Variants in TSHZ3 observed in about 807,000 individuals in gnomAD.
TSHZ3 encodes the protein teashirt homolog 3.
A neutral mutation model predicts 64.5 loss-of-function variants in TSHZ3; 10 were observed. The observed-to-expected ratio is 0.16, with a 90% CI of 0.10 to 0.26. The LOEUF is 0.26. Ranked by LOEUF, TSHZ3 falls within the 10% of genes least tolerant of loss-of-function variation. TSHZ3 has a pLI of 1.00. For synonymous variants in TSHZ3, 608 were observed against 593.1 expected, an observed-to-expected ratio of 1.03 and a Z score of -0.36; for missense variants, 1,242 against 1,421.7, an observed-to-expected ratio of 0.87 and a Z score of 2.03.
At chr19:31,327,780 GC>G (rs1405390470) in intron 1 of TSHZ3, among the ~76,000 whole-genome samples, 1 of 152,078 alleles carries the variant, frequency 6.6e-6, no homozygotes, top group African/African-American at 2.4e-5. Flanking sequence ...ACCCTGCACA[GC>G]CCCTAAACCT....
chr19:31,273,395 C>G (rs1172423964), downstream of TSHZ3, among the ~76,000 whole-genome samples: 3 of 152,146 alleles, frequency 2.0e-5, no homozygotes, highest in Non-Finnish European at 4.4e-5. Flanking sequence ...TCACACCAAC[C>G]CCCAAATTGG....
At chr19:31,191,809 T>C (rs1476177700) in intron 5 of TSHZ3, among the ~76,000 whole-genome samples, 2 of 152,108 alleles carry the variant, frequency 1.3e-5, no homozygotes, top group Non-Finnish European at 2.9e-5. Flanking sequence ...CTGTGAGCCA[T>C]GATCGCACCA....
chr19:31,269,342 C>T (rs1268582226), intron 1 of TSHZ3, among the ~76,000 whole-genome samples: 3 of 152,136 alleles, frequency 2.0e-5, no homozygotes, highest in South Asian at 4.1e-4. Context: ...CAGCTTTTGC[C>T]GACTCGGTTT....
At chr19:31,182,715 C>A (rs776165760) in intron 5 of TSHZ3, among the ~76,000 whole-genome samples, 2 of 152,126 alleles carry the variant, frequency 1.3e-5, no homozygotes, top group Admixed American at 6.5e-5. Flanking sequence ...ACCCATACAA[C>A]ACGTGTCCAA....
At position 31,276,671 on chromosome 19, in the gene TSHZ3, T is replaced by G. The variant is rs142718315; in HGVS notation, c.3122A>C (p.Tyr1041Ser). 21 of 1,613,718 alleles carry G rather than the reference T, an allele frequency of 1.3e-5. No individual in the cohort carries two copies. The highest frequency in any genetic ancestry group is 1.7e-5 in the Non-Finnish European group (20 of 1,179,734). Residue 1041 changes from tyrosine to serine, a missense_variant, in exon 2 of 2, where the codon TAT (tyrosine) becomes TCT (serine). Physicochemically the swap from Tyr to Ser is moderately radical, Grantham distance 144 (BLOSUM62 -2). Around this residue, in one of 4 missense-constraint regions of TSHZ3, gnomAD observed 126 missense variants for 140.6 expected, o/e 0.90. Coordinates refer to ENST00000240587, the MANE Select transcript of TSHZ3 (RefSeq NM_020856.4). ...SSPEEDLGTS[Y>S]QCKLCNRTFA... ...GGTCCGATTGCAAAGTTTGCACTGATAGGAAGTCCCCAGGTCTTCCTCGGG... is the reference window on the plus strand; with the variant it reads ...GGTCCGATTGCAAAGTTTGCACTGAGAGGAAGTCCCCAGGTCTTCCTCGGG...
chr19:31,224,351 G>A (rs1021170564), intron 4 of TSHZ3, among the ~76,000 whole-genome samples: 3 of 152,168 alleles, frequency 2.0e-5, no homozygotes, highest in Admixed American at 1.3e-4. Context: ...CAAACCATAT[G>A]TCTAGATGGT....
rs148027685 is a variant in TSHZ3 at position 31,215,420 on chromosome 19, T to G, written n.687-10342A>C. 7.1e-3 allele frequency among the ~76,000 whole-genome samples: 1,084 copies of G among 152,306 alleles called. 5 individuals carry two copies. Among genetic ancestry groups the G allele is most frequent in the South Asian group, 0.019 (93 of 4,828 alleles). The stretch of plus-strand genomic sequence containing the variant: ...AAAGAACATCAATGGTATAAGTGTA[T>G]ACAAGAAATATCCATGGTATAAGTG... On this transcript the variant is annotated intron_variant and non_coding_transcript_variant, in intron 4 of 6. Transcript: ENST00000651361.
chr19:31,284,137 A>G (rs909616513), intron 1 of TSHZ3, among the ~76,000 whole-genome samples: 2 of 152,144 alleles, frequency 1.3e-5, no homozygotes, highest in African/African-American at 4.8e-5. Context: ...AAGGGAGGGA[A>G]CCTTACTTCC....
chr19:31,168,675 A>G (rs560829680), intron 5 of TSHZ3, among the ~76,000 whole-genome samples: 1 of 152,340 alleles, frequency 6.6e-6, no homozygotes, highest in East Asian at 1.9e-4. Context: ...GGAAGCTGCA[A>G]GAGCCTAGAT....
In TSHZ3 at chr19:31,156,479, G is replaced by A. The variant is rs554515599; in HGVS notation, n.810-62C>T. Among the ~76,000 whole-genome samples, 110 of 152,188 alleles carry A rather than the reference G, an allele frequency of 7.2e-4. 2 individuals are homozygous for A. Among genetic ancestry groups the A allele is most frequent in the South Asian group, 5.0e-3 (24 of 4,814 alleles). ...CATCCCACTGGCACCAGTTTTTGTC[G>A]GTCGGGAGCAGGAGCAGATATCAGC... On this transcript the variant is annotated intron_variant and non_coding_transcript_variant, in intron 5 of 6. Coordinates refer to the TSHZ3 transcript ENST00000651361.
intron 1 of TSHZ3, among the ~76,000 whole-genome samples, chr19:31,324,465 T>A (rs551794916): frequency 1.3e-5 from 2 of 152,316 alleles, no homozygotes; most frequent in African/African-American, 4.8e-5. Context: ...GGCTTCAAAT[T>A]CAGACACAAG....
intron 5 of TSHZ3, among the ~76,000 whole-genome samples, chr19:31,159,699 T>C (rs1974348668): frequency 6.6e-6 from 1 of 152,132 alleles, no homozygotes; most frequent in Non-Finnish European, 1.5e-5. Flanking sequence ...TTTATTTTTT[T>C]TCTTTTTTTT....
At chr19:31,338,414 G>C (rs545113699) in intron 1 of TSHZ3, among the ~76,000 whole-genome samples, 1 of 152,182 alleles carries the variant, frequency 6.6e-6, no homozygotes, top group South Asian at 2.1e-4. Flanking sequence ...CTGGGAGCCC[G>C]GGCAGGGAGC....
chr19:31,350,289 A>AG (rs1267933624), upstream of TSHZ3, among the ~76,000 whole-genome samples: 1 of 149,646 alleles, frequency 6.7e-6, no homozygotes, highest in Non-Finnish European at 1.5e-5. Context: ...GACCCGCCGT[A>AG]GCCACTTCCC....
intron 1 of TSHZ3, among the ~76,000 whole-genome samples, chr19:31,256,018 G>A (rs1975904569): frequency 6.6e-6 from 1 of 152,140 alleles, no homozygotes; most frequent in East Asian, 1.9e-4. Context: ...GATGCAGTAG[G>A]AGAGCGCAGG....
At chr19:31,191,270 C>CA (rs899040921) in intron 5 of TSHZ3, among the ~76,000 whole-genome samples, 10 of 151,350 alleles carry the variant, frequency 6.6e-5, no homozygotes, top group Non-Finnish European at 8.9e-5. Flanking sequence ...ATTTTTAACA[C>CA]AAAAAAAATC....
chr19:31,350,852 C>T (rs1348423776), upstream of TSHZ3, among the ~76,000 whole-genome samples: 1 of 147,396 alleles, frequency 6.8e-6, no homozygotes, highest in Non-Finnish European at 1.5e-5. Flanking sequence ...ATTGCGTCTC[C>T]CTGGGCCAGC....
chr19:31,305,336 C>T (rs928680609), intron 1 of TSHZ3, among the ~76,000 whole-genome samples: 3 of 150,844 alleles, frequency 2.0e-5, no homozygotes, highest in African/African-American at 7.3e-5. Context: ...AAAAAAGCCG[C>T]GTGTCAGTTT....
intron 1 of TSHZ3, among the ~76,000 whole-genome samples, chr19:31,307,571 C>A (rs1369427274): frequency 6.6e-6 from 1 of 152,206 alleles, no homozygotes; most frequent in Non-Finnish European, 1.5e-5. Context: ...AGGGTGCCCC[C>A]CAAGCCTCTT....
Sources: gnomAD v4.1 joint callset for allele counts (sites outside exome capture counted in the v4.1 genomes callset) on GRCh38, gnomAD v4.1.1 for gene constraint, gnomAD v4.1.1 regional missense constraint, MANE v1.5 for transcripts, NCBI Gene and HGNC (gene_info 2026-07-23, HGNC 2026-07-21) for gene names.